The following ENTREP1 variants were observed in gnomAD, a reference collection of about 807,000 sequenced individuals.
ENTREP1 encodes the protein Friedreich ataxia region gene X123.
the ENTREP1 span, chr9:69,383,462 G>A: frequency 3.5e-5 from 52 of 1,483,574 alleles, no homozygotes; most frequent in African/African-American, 8.4e-5. Flanking sequence ...TGGCCACTTC[G>A]TCGGAGAGCA....
the ENTREP1 span, among the ~76,000 whole-genome samples, chr9:69,353,310 G>A: frequency 0.87 from 133,150 of 152,246 alleles, 58,500 homozygotes; most frequent in African/African-American, 0.95. Flanking sequence ...TCAATGTTTT[G>A]TTATGAGAAT....
the ENTREP1 span, among the ~76,000 whole-genome samples, chr9:69,332,402 C>T: frequency 1.7e-4 from 26 of 152,200 alleles, no homozygotes; most frequent in Admixed American, 6.5e-4. Context: ...GTCTGTAAAA[C>T]AATTTAAATG....
chr9:69,383,414 G>A, the ENTREP1 span: 3 of 1,389,026 alleles, frequency 2.2e-6, no homozygotes, highest in Non-Finnish European at 1.9e-6. Context: ...GCAATGATGG[G>A]GTTGCATTTT....
At chr9:69,345,032 T>G in the ENTREP1 span, among the ~76,000 whole-genome samples, 1 of 152,226 alleles carries the variant, frequency 6.6e-6, no homozygotes, top group African/African-American at 2.4e-5. Context: ...TAATTAAAAA[T>G]AGTTCAAACT....
the ENTREP1 span, chr9:69,385,736 G>A: frequency 6.9e-7 from 1 of 1,452,026 alleles, no homozygotes; most frequent in Non-Finnish European, 9.0e-7. Flanking sequence ...GAGGACTGCA[G>A]CTGGTGAGAT....
chr9:69,378,172 A>G, the ENTREP1 span, among the ~76,000 whole-genome samples: 7 of 152,116 alleles, frequency 4.6e-5, no homozygotes, highest in Non-Finnish European at 8.8e-5. Flanking sequence ...GTAATTTGAC[A>G]TGATTGAGAG....
chr9:69,384,437 T>C, the ENTREP1 span, among the ~76,000 whole-genome samples: 2 of 152,252 alleles, frequency 1.3e-5, no homozygotes, highest in African/African-American at 4.8e-5. Context: ...TTGATATTCC[T>C]GTGTTTTCTG....
chr9:69,385,798 G>A, the ENTREP1 span: 9 of 1,507,206 alleles, frequency 6.0e-6, no homozygotes, highest in Non-Finnish European at 8.0e-6. Flanking sequence ...AAATCAGATG[G>A]GGACATTCCT....
At chr9:69,391,901 A>T in the ENTREP1 span, 60 of 1,185,636 alleles carry the variant, frequency 5.1e-5, no homozygotes, top group Middle Eastern at 8.4e-4. Flanking sequence ...AAAAAGGAGC[A>T]CTCTGGAGGA....
chr9:69,350,479 T>C, the ENTREP1 span, among the ~76,000 whole-genome samples: 1 of 152,220 alleles, frequency 6.6e-6, no homozygotes, highest in East Asian at 1.9e-4. Context: ...GACCACTCAC[T>C]TCCTGTTCTA....
the ENTREP1 span, among the ~76,000 whole-genome samples, chr9:69,371,835 T>C: frequency 6.6e-6 from 1 of 152,202 alleles, no homozygotes; most frequent in Non-Finnish European, 1.5e-5. Flanking sequence ...ACTGGAACCA[T>C]AGTGATATAA....
chr9:69,340,685 G>GCA, the ENTREP1 span, among the ~76,000 whole-genome samples: 2,125 of 132,378 alleles, frequency 0.016, 17 homozygotes, highest in Non-Finnish European at 0.023. Context: ...GTGCATGCAT[G>GCA]TGTGTGTGTA....
chr9:69,342,579 G>A, the ENTREP1 span, among the ~76,000 whole-genome samples: 13 of 152,354 alleles, frequency 8.5e-5, no homozygotes, highest in East Asian at 7.7e-4. Flanking sequence ...AACACAAGGT[G>A]TAGTTTTGAG....
At chr9:69,391,451 A>G in the ENTREP1 span, 2 of 642,412 alleles carry the variant, frequency 3.1e-6, no homozygotes. Context: ...CTGGAATTCC[A>G]AGTGAGTTCC....
the ENTREP1 span, among the ~76,000 whole-genome samples, chr9:69,358,550 GA>G: frequency 7.9e-5 from 12 of 151,728 alleles, no homozygotes; most frequent in East Asian, 3.9e-4. Context: ...ATATGAGGGG[GA>G]AAAAAAGGGC....
the ENTREP1 span, among the ~76,000 whole-genome samples, chr9:69,353,164 A>T: frequency 6.6e-6 from 1 of 152,106 alleles, no homozygotes; most frequent in Non-Finnish European, 1.5e-5. Flanking sequence ...GAAGAAGATA[A>T]CACTGCACCG....
chr9:69,324,685 G>A, the ENTREP1 span: 1 of 984,544 alleles, frequency 1.0e-6, no homozygotes, highest in Non-Finnish European at 1.2e-6. Flanking sequence ...CGTCCTTCCC[G>A]AAGTCCTTGG....
At chr9:69,341,683 C>T in the ENTREP1 span, among the ~76,000 whole-genome samples, 1 of 151,804 alleles carries the variant, frequency 6.6e-6, no homozygotes, top group African/African-American at 2.4e-5. Flanking sequence ...CTTTTTTTTC[C>T]TGAGGATATG....
chr9:69,338,982 T>G, the ENTREP1 span, among the ~76,000 whole-genome samples: 1 of 152,164 alleles, frequency 6.6e-6, no homozygotes, highest in Non-Finnish European at 1.5e-5. Context: ...ATTGGAGACT[T>G]AGTCAGTATC....
Sources: allele counts gnomAD v4.1 joint callset (sites outside exome capture counted in the v4.1 genomes callset), GRCh38; gene constraint gnomAD v4.1.1; transcripts MANE v1.5; gene names NCBI Gene and HGNC (gene_info 2026-07-23, HGNC 2026-07-21).